Variants in LGR4 observed in about 807,000 individuals in gnomAD.
LGR4 encodes the protein leucine-rich repeat-containing G protein-coupled receptor 4.
LGR4 carries 44 observed loss-of-function variants against 84.8 expected under a neutral mutation model. The observed-to-expected ratio is 0.52, with a 90% CI of 0.41 to 0.67. The LOEUF (loss-of-function observed/expected upper bound fraction) is 0.67, where lower values mean the gene tolerates loss of function less well. Ranked by LOEUF, LGR4 falls within the 30% of genes least tolerant of loss-of-function variation. The pLI is 0.00. For missense variants in LGR4, 1,032 were observed against 1,131.4 expected, an observed-to-expected ratio of 0.91 and a Z score of 1.26; for synonymous variants, 429 against 434.3, an observed-to-expected ratio of 0.99 and a Z score of 0.15.
intron 1 of LGR4, among the ~76,000 whole-genome samples, chr11:27,452,624 T>TTA (rs1864500791): frequency 9.7e-6 from 1 of 103,000 alleles, no homozygotes. Flanking sequence ...ACTTTTTGAG[T>TTA]TTTTTTTTTT....
intron 1 of LGR4, among the ~76,000 whole-genome samples, chr11:27,438,962 G>A (rs1008186785): frequency 2.0e-5 from 3 of 151,924 alleles, no homozygotes; most frequent in Non-Finnish European, 4.4e-5. Flanking sequence ...ATATTCTACT[G>A]GTCCTATTTC....
rs1216062587 is a variant in LGR4, at chr11:27,377,185, A to C, written c.1082T>G (p.Phe361Cys). ...SYNNIRDLPS[F>C]NGCHALEEIS... is the part of the protein sequence containing the mutation. The stretch of plus-strand genomic sequence containing the variant: ...TTCTTCCAGAGCATGGCAACCATTA[A>C]AACTTGGAAGGTCTCTTATATTATT... The change falls in exon 12 of 18, where the codon TTT (phenylalanine) becomes TGT (cysteine). Residue 361 changes from phenylalanine to cysteine, a missense_variant. Transcript: ENST00000379214. 1 of 1,592,566 alleles carries C rather than the reference A, an allele frequency of 6.3e-7. No homozygotes were observed. The highest frequency in any genetic ancestry group is 1.3e-5 in the African/African-American group (1 of 74,358).
intron 1 of LGR4, among the ~76,000 whole-genome samples, chr11:27,424,422 C>T (rs1863982435): frequency 6.6e-6 from 1 of 152,132 alleles, no homozygotes; most frequent in African/African-American, 2.4e-5. Flanking sequence ...CTGCTTAAGC[C>T]TGGGAGGTTG....
chr11:27,416,122 A>G (rs1048160639), intron 1 of LGR4, among the ~76,000 whole-genome samples: 1 of 152,170 alleles, frequency 6.6e-6, no homozygotes. Context: ...CATCAGTAAT[A>G]AATCGCAGGA....
intron 6 of LGR4, 104 bp downstream of exon 6, chr11:27,384,232 A>C (rs1863147692): frequency 1.4e-6 from 1 of 709,982 alleles, no homozygotes; most frequent in Non-Finnish European, 2.5e-6. Context: ...TGAATTAATA[A>C]GGAGCTGAAC....
At chr11:27,379,593 C>T (rs142844479) in intron 10 of LGR4, among the ~76,000 whole-genome samples, 212 of 152,234 alleles carry the variant, frequency 1.4e-3, no homozygotes, top group Admixed American at 2.8e-3. Flanking sequence ...TTAAATGGCA[C>T]GCTGCAGTAA....
At chr11:27,387,113 C>A (rs1176874126) in intron 4 of LGR4, among the ~76,000 whole-genome samples, 1 of 152,106 alleles carries the variant, frequency 6.6e-6, no homozygotes. Flanking sequence ...CATAATCATA[C>A]AATTAAGCAT....
At chr11:27,462,057 T>C (rs1565101389) in intron 1 of LGR4, among the ~76,000 whole-genome samples, 1 of 151,992 alleles carries the variant, frequency 6.6e-6, no homozygotes, top group Non-Finnish European at 1.5e-5. Flanking sequence ...GGTCTCGAAC[T>C]CCTGATCTCA....
At chr11:27,469,565 A>C (rs899866638) in intron 1 of LGR4, among the ~76,000 whole-genome samples, 1 of 151,646 alleles carries the variant, frequency 6.6e-6, no homozygotes, top group Non-Finnish European at 1.5e-5. Context: ...TGCACCCCCC[A>C]CCCCTGTCCC....
chr11:27,371,996 T>C (rs1862892829), intron 16 of LGR4, among the ~76,000 whole-genome samples: 1 of 152,056 alleles, frequency 6.6e-6, no homozygotes, highest in Admixed American at 6.5e-5. Context: ...TCCCAAGTAG[T>C]GGGGAATACA....
intron 1 of LGR4, among the ~76,000 whole-genome samples, chr11:27,462,137 A>G (rs1237587170): frequency 6.6e-6 from 1 of 152,146 alleles, no homozygotes; most frequent in African/African-American, 2.4e-5. Context: ...CCAGCCACTG[A>G]GTTAGGACTT....
At chr11:27,427,922 C>T (rs188894761) in intron 1 of LGR4, among the ~76,000 whole-genome samples, 114 of 152,294 alleles carry the variant, frequency 7.5e-4, no homozygotes, top group Admixed American at 1.8e-3. Context: ...CAGAAATGGA[C>T]CCTCTTTCCC....
At chr11:27,467,440 T>G (rs941379294) in intron 1 of LGR4, among the ~76,000 whole-genome samples, 7 of 151,814 alleles carry the variant, frequency 4.6e-5, no homozygotes, top group Admixed American at 4.6e-4. Flanking sequence ...TGGTGGCGGG[T>G]GCCTGTAATC....
chr11:27,420,890 A>T (rs1473242213), intron 1 of LGR4, among the ~76,000 whole-genome samples: 1 of 152,172 alleles, frequency 6.6e-6, no homozygotes, highest in Non-Finnish European at 1.5e-5. Context: ...AATTACAAGC[A>T]GTATGGTCCA....
intron 1 of LGR4, among the ~76,000 whole-genome samples, chr11:27,419,631 T>G (rs1032708990): frequency 6.8e-6 from 1 of 147,464 alleles, no homozygotes; most frequent in Admixed American, 6.8e-5. Context: ...TATAATAATA[T>G]ATATAATTAT....
chr11:27,423,031 G>A (rs1863951291), intron 1 of LGR4, among the ~76,000 whole-genome samples: 1 of 152,010 alleles, frequency 6.6e-6, no homozygotes. Context: ...TGCATAAAAT[G>A]TTTATACATA....
At chr11:27,413,783 GGAGAA>G (rs1367490921) in intron 1 of LGR4, among the ~76,000 whole-genome samples, 2 of 152,090 alleles carry the variant, frequency 1.3e-5, no homozygotes, top group African/African-American at 4.8e-5. Context: ...GTATGAGGAA[GGAGAA>G]GAGAAATGAA....
At chr11:27,408,596 C>A (rs1863655151) in intron 2 of LGR4, among the ~76,000 whole-genome samples, 1 of 152,110 alleles carries the variant, frequency 6.6e-6, no homozygotes, top group Non-Finnish European at 1.5e-5. Flanking sequence ...CAATACCCAA[C>A]AAGCCTAAAG....
chr11:27,468,253 G>C lies in LGR4; in HGVS notation c.185+3865C>G, dbSNP rs60690084. ...CTCATGTACAGGATACATACACTGT[G>C]AAGGTTTGAGAGATTATGACTAATT... On this transcript the variant is annotated intron_variant, in intron 1 of 17. Coordinates refer to ENST00000379214, the MANE Select transcript of LGR4 (RefSeq NM_018490.5). Among the ~76,000 whole-genome samples, 19 of 152,290 alleles carry C rather than the reference G, an allele frequency of 1.2e-4. No homozygotes were observed. In the East Asian group the frequency reaches 3.7e-3, roughly 29 times the overall value.
Sources: allele counts gnomAD v4.1 joint callset (sites outside exome capture counted in the v4.1 genomes callset), GRCh38; gene constraint gnomAD v4.1.1; transcripts MANE v1.5; gene names NCBI Gene and HGNC (gene_info 2026-07-23, HGNC 2026-07-21).